Variants in PLG observed in about 807,000 individuals in gnomAD.
PLG encodes plasminogen, also known as plasmin.
A neutral mutation model predicts 104.4 loss-of-function variants in PLG; 41 were observed. That is an observed-to-expected ratio of 0.39 (90% CI 0.31 to 0.51). The LOEUF is 0.51. Among genes scored for constraint, PLG ranks in the 20% least tolerant of loss-of-function variants. The pLI, the probability that PLG is intolerant of heterozygous loss-of-function variation, is 0.76. For synonymous variants in PLG, 337 were observed against 357.1 expected, an observed-to-expected ratio of 0.94 and a Z score of 0.63; for missense variants, 891 against 1,003.6, an observed-to-expected ratio of 0.89 and a Z score of 1.52.
In PLG at chr6:160,731,746, C is replaced by G; in HGVS notation, c.1440C>G (p.Asp480Glu). 6.2e-7 allele frequency: 1 copy of G among 1,613,654 alleles called. No homozygotes were observed. Among genetic ancestry groups the G allele is most frequent in the Non-Finnish European group, 8.5e-7 (1 of 1,179,726 alleles). The change falls in exon 12 of 19, where the codon GAC becomes GAG. Residue 480 changes from aspartate to glutamate, a missense_variant and splice_region_variant. Around this residue, in one of 2 missense-constraint regions of PLG, gnomAD observed 854 missense variants for 932.1 expected, o/e 0.92. Coordinates refer to ENST00000308192, the MANE Select transcript of PLG (RefSeq NM_000301.5). This position sits in a 1 kb window ranked among gnomAD's most constrained non-coding sequence, Gnocchi z 5.1. ...ATCATCCATTTTTTCCCTGTACAGA[C>G]TGTATGTTTGGGAATGGGAAAGGAT... ...LPDVETPSEE[D>E]CMFGNGKGYR... is the part of the protein sequence containing the mutation.
chr6:160,727,649 C>T (rs951846728), intron 10 of PLG, among the ~76,000 whole-genome samples: 2 of 151,754 alleles, frequency 1.3e-5, no homozygotes, highest in African/African-American at 4.8e-5. Context: ...CCATGTAATC[C>T]AACATGTTAA....
intron 17 of PLG, among the ~76,000 whole-genome samples, chr6:160,747,207 C>T (rs1222796909): frequency 2.0e-5 from 3 of 152,200 alleles, no homozygotes; most frequent in African/African-American, 7.2e-5. Context: ...GCGGACAGGT[C>T]CCATGGCCCC....
At position 160,734,137 on chromosome 6, in the gene PLG, T is replaced by A. The variant is rs1158314013; in HGVS notation, c.1681+49T>A. The A allele has an allele frequency of 1.8e-6, 2 of 1,116,052 alleles. No homozygotes were observed. Among genetic ancestry groups the A allele is most frequent in the South Asian group, 1.2e-5 (1 of 80,976 alleles). 69.1% of individuals were successfully genotyped at this position (1,116,052 alleles called of 1,614,324 possible). A position where few individuals can be genotyped will look rare whatever the true frequency, so the allele number is the denominator to read the frequency against. ...GGAAACTGCTTACTTAATATGGATT[T>A]GCAACAAAAAAGGAAAAGGGCTTCT... On this transcript the variant is annotated intron_variant, in intron 13 of 18. Coordinates refer to ENST00000308192, the MANE Select transcript of PLG (RefSeq NM_000301.5). This position sits in a 1 kb window ranked among gnomAD's most constrained non-coding sequence, Gnocchi z 4.4.
intron 3 of PLG, among the ~76,000 whole-genome samples, chr6:160,710,623 G>T (rs1451712746): frequency 1.3e-5 from 2 of 152,096 alleles, no homozygotes; most frequent in Non-Finnish European, 2.9e-5. Context: ...AAGTGGGTTG[G>T]ATCTCTTTCA....
At chr6:160,751,433 G>A (rs372920122) in intron 17 of PLG, among the ~76,000 whole-genome samples, 17 of 152,180 alleles carry the variant, frequency 1.1e-4, no homozygotes, top group East Asian at 3.8e-4. Context: ...GAGATACATC[G>A]CATTATAAGC....
Position 160,741,413 on chromosome 6 carries a change from C to T in PLG, c.2121C>T (p.Thr707=). The T allele has an allele frequency of 1.3e-6, 2 of 1,595,726 alleles. No individual in the cohort carries two copies. The highest frequency in any genetic ancestry group is 1.3e-5 in the African/African-American group (1 of 74,754). The change falls in exon 17 of 19, where the codon ACC becomes ACT. Residue 707 remains threonine, a synonymous_variant. Transcript: ENST00000308192. The surrounding 1 kb of genome is among the most constrained non-coding windows in gnomAD (Gnocchi z 4.7). ...GTTTCATCACTGGCTGGGGAGAAAC[C>T]CAAGGTGAGATAAATTCCATTGCCC... ...TECFITGWGE[T]QGTFGAGLLK... is the part of the protein sequence containing the mutation.
Position 160,753,418 on chromosome 6 carries a change from G to T in PLG, c.*357G>T. The stretch of plus-strand genomic sequence containing the variant: ...AGCTGCACAAAGGACTGAGCAGGCT[G>T]CAAGGTCACAGAGGGGAGAGCCAAG... On this transcript the variant is annotated 3_prime_UTR_variant, in exon 19 of 19. Transcript: ENST00000308192. This position sits in a 1 kb window ranked among gnomAD's most constrained non-coding sequence, Gnocchi z 5.4. 2 of 366,832 alleles carry T rather than the reference G, an allele frequency of 5.5e-6. No homozygotes were observed. The highest frequency in any genetic ancestry group is 4.5e-5 in the South Asian group (2 of 44,198). 22.7% of individuals were successfully genotyped at this position (366,832 alleles called of 1,614,324 possible).
At chr6:160,747,420 G>C (rs11966390) in intron 17 of PLG, among the ~76,000 whole-genome samples, 3,064 of 152,258 alleles carry the variant, frequency 0.02, 123 homozygotes, top group African/African-American at 0.07. Flanking sequence ...GATCCCTGCT[G>C]CAGTTTCTCA....
At position 160,748,377 on chromosome 6, in the gene PLG, A is replaced by AAAGG. The variant is rs1778321554; in HGVS notation, c.2126-3735_2126-3734insGAAG. 4.4e-5 allele frequency among the ~76,000 whole-genome samples: 2 copies of AAAGG among 45,940 alleles called. 1 individual carries two copies. The highest frequency in any genetic ancestry group is 8.7e-5 in the Non-Finnish European group (2 of 23,026). The allele number at this position is 45,940 out of a possible 152,430, so 30.1% of individuals were successfully genotyped here. A position where few individuals can be genotyped will look rare whatever the true frequency, so the allele number is the denominator to read the frequency against. On this transcript the variant is annotated intron_variant, in intron 17 of 18. Transcript: ENST00000308192. Reference sequence around the variant, plus strand: ...GAAAGAAAGAAAGAAAGAAAGAAAGAAAGAAAGAAAGAAAGAAAGAAAGGA... The same window carrying AAAGG: ...GAAAGAAAGAAAGAAAGAAAGAAAGAAAGGAAGAAAGAAAGAAAGAAAGAAAGGA...
In PLG at chr6:160,734,695, G is replaced by A. The variant is rs969301724; in HGVS notation, c.1681+607G>A. The stretch of plus-strand genomic sequence containing the variant: ...TGAGGCTTGGATCAGGGGAAGGGGA[G>A]TTGACATTAGTTCTTAAAGAATTGG... On this transcript the variant is annotated intron_variant, in intron 13 of 18. Transcript: ENST00000308192. The surrounding 1 kb of genome is among the most constrained non-coding windows in gnomAD (Gnocchi z 4.4). Among the ~76,000 whole-genome samples the A allele has an allele frequency of 1.6e-4, 23 of 147,262 alleles. No individual in the cohort carries two copies. The highest frequency in any genetic ancestry group is 3.5e-3 in the Middle Eastern group (1 of 284).
rs1253243752 is a variant in PLG, at chr6:160,735,821, G to C, written c.1682-1066G>C. 2.0e-5 allele frequency among the ~76,000 whole-genome samples: 3 copies of C among 152,186 alleles called. No homozygotes were observed. The highest frequency in any genetic ancestry group is 7.2e-5 in the African/African-American group (3 of 41,444). ...TTTAGTACAACGATGCATGTCTACT[G>C]TATGTAAGGCATACTAGCAGAAATT... On this transcript the variant is annotated intron_variant, in intron 13 of 18. Coordinates refer to ENST00000308192, the MANE Select transcript of PLG (RefSeq NM_000301.5). The surrounding 1 kb of genome is among the most constrained non-coding windows in gnomAD (Gnocchi z 5.4).
rs144718626 is a variant in PLG at position 160,733,493 on chromosome 6, G to A, written c.1588-502G>A. 2.0e-3 allele frequency among the ~76,000 whole-genome samples: 300 copies of A among 152,064 alleles called. 2 individuals are homozygous for A. The highest frequency in any genetic ancestry group is 6.7e-3 in the African/African-American group (279 of 41,448). ...TTTTGAACAGGGGCACAGGAAGGAC[G>A]GCTTTAGAGCATTCAAAAAATAACT... is the stretch of plus-strand genomic sequence containing the variant. On this transcript the variant is annotated intron_variant, in intron 12 of 18. Coordinates refer to ENST00000308192, the MANE Select transcript of PLG (RefSeq NM_000301.5).
rs1471330585 is a variant in PLG, at chr6:160,731,009, T to C, written c.1257-42T>C. 1 of 1,599,146 alleles carries C rather than the reference T, an allele frequency of 6.3e-7. No individual in the cohort carries two copies. The highest frequency in any genetic ancestry group is 1.7e-5 in the Admixed American group (1 of 59,986). On this transcript the variant is annotated intron_variant, in intron 10 of 18. Transcript: ENST00000308192. The surrounding 1 kb of genome is among the most constrained non-coding windows in gnomAD (Gnocchi z 5.1). ...AGAGGGTGCTGGGTGCCCCTGAATA[T>C]TCTCCCACCTCTTGTGACCTGTATT...
At chr6:160,733,909 A>G (rs957119206) in intron 12 of PLG, 86 bp from the exon 13 acceptor site, 3 of 740,016 alleles carry the variant, frequency 4.1e-6, no homozygotes, top group African/African-American at 3.5e-5. Flanking sequence ...TCTTCTAAGG[A>G]TAGACATGAA....
At chr6:160,717,044 C>G (rs1052407131) in intron 7 of PLG, among the ~76,000 whole-genome samples, 10 of 152,162 alleles carry the variant, frequency 6.6e-5, no homozygotes, top group Non-Finnish European at 1.0e-4. Context: ...GTTGTTCATC[C>G]TATTCTCTCT....
intron 1 of PLG, among the ~76,000 whole-genome samples, chr6:160,704,720 C>G (rs1777485615): frequency 6.6e-6 from 1 of 152,102 alleles, no homozygotes; most frequent in East Asian, 1.9e-4. Context: ...TTTTTCCAGC[C>G]CGGAATGTCT....
Position 160,718,469 on chromosome 6 carries a change from C to T in PLG, c.950+13C>T, listed in dbSNP as rs1777780327. ...ACTTCCCCTGCAAGTAAGTCCCCTC[C>T]GGTCTCATTCTGCTGCTATGGAATG... On this transcript the variant is annotated intron_variant, in intron 8 of 18. Coordinates refer to ENST00000308192, the MANE Select transcript of PLG (RefSeq NM_000301.5). 3 of 1,599,960 alleles carry T rather than the reference C, an allele frequency of 1.9e-6. No homozygotes were observed. The highest frequency in any genetic ancestry group is 1.7e-6 in the Non-Finnish European group (2 of 1,167,092).
At chr6:160,718,555 T>C in intron 8 of PLG, 99 bp downstream of exon 8, 1 of 1,367,808 alleles carries the variant, frequency 7.3e-7, no homozygotes, top group Non-Finnish European at 1.0e-6. Context: ...TAAAGTATTC[T>C]GGAAGAAAAA....
intron 8 of PLG, 89 bp from the exon 9 acceptor site, chr6:160,718,604 G>C (rs953069776): frequency 6.9e-7 from 1 of 1,457,572 alleles, no homozygotes; most frequent in Non-Finnish European, 9.6e-7. Context: ...ACTTTAGCAC[G>C]TTTTTTCCCG....
Sources: gnomAD v4.1 joint callset for allele counts (sites outside exome capture counted in the v4.1 genomes callset) on GRCh38, gnomAD v4.1.1 for gene constraint, gnomAD v4.1.1 regional missense constraint, Gnocchi (gnomAD v3.1) non-coding constraint, MANE v1.5 for transcripts, NCBI Gene and HGNC (gene_info 2026-07-23, HGNC 2026-07-21) for gene names.